The following SHISA6 variants were observed in gnomAD, a reference collection of about 807,000 sequenced individuals.
SHISA6 encodes the protein shisa family member 6.
In SHISA6, 22 loss-of-function variants were observed where a neutral mutation model predicts 47.9. That is an observed-to-expected ratio of 0.46 (90% confidence interval 0.33 to 0.66). SHISA6 has a LOEUF of 0.66. SHISA6 is among the 30% of genes least tolerant of loss of function. The pLI is 0.02. For missense variants in SHISA6, 680 were observed against 764.6 expected (o/e 0.89, Z 1.30); for synonymous variants, 388 against 337.8 (o/e 1.15, Z -1.63).
chr17:11,364,415 G>A (rs927296312), intron 2 of SHISA6, among the ~76,000 whole-genome samples: 1 of 152,174 alleles, frequency 6.6e-6, no homozygotes, highest in Non-Finnish European at 1.5e-5. Context: ...GAAGCCATGT[G>A]ACATGCATTT....
chr17:11,295,547 A>C (rs1165959414), intron 2 of SHISA6, among the ~76,000 whole-genome samples: 1 of 152,240 alleles, frequency 6.6e-6, no homozygotes, highest in African/African-American at 2.4e-5. Context: ...TGATGTTGGA[A>C]GTAAAGAAGT....
intron 3 of SHISA6, among the ~76,000 whole-genome samples, chr17:11,490,462 C>T (rs1158723014): frequency 1.3e-5 from 2 of 152,032 alleles, no homozygotes; most frequent in Non-Finnish European, 2.9e-5. Context: ...TCCAGGTCAC[C>T]GAGCAGGGAG....
intron 2 of SHISA6, among the ~76,000 whole-genome samples, chr17:11,347,219 A>G (rs1911730733): frequency 6.6e-6 from 1 of 152,138 alleles, no homozygotes; most frequent in Admixed American, 6.6e-5. Flanking sequence ...ATCCACAAAG[A>G]AGCCTGAGCC....
intron 2 of SHISA6, among the ~76,000 whole-genome samples, chr17:11,341,460 G>A (rs926692933): frequency 6.7e-6 from 1 of 150,184 alleles, no homozygotes; most frequent in African/African-American, 2.5e-5. Context: ...TCAGCCTCCT[G>A]AGTTGGTGGG....
At chr17:11,306,670 C>G (rs1195886626) in intron 2 of SHISA6, among the ~76,000 whole-genome samples, 1 of 152,168 alleles carries the variant, frequency 6.6e-6, no homozygotes. Flanking sequence ...AGGCACAGAA[C>G]AGTCACAGGT....
At chr17:11,247,222 G>T (rs1217681472) in intron 1 of SHISA6, among the ~76,000 whole-genome samples, 1 of 152,226 alleles carries the variant, frequency 6.6e-6, no homozygotes, top group Non-Finnish European at 1.5e-5. Flanking sequence ...GATTGAAAGA[G>T]GCTAATTCAC....
chr17:11,560,985 CA>C lies in SHISA6; in HGVS notation c.*2683del, dbSNP rs1376363918. On this transcript the variant is annotated 3_prime_UTR_variant, in exon 6 of 6. Coordinates refer to ENST00000441885, the MANE Select transcript of SHISA6 (RefSeq NM_207386.4). ...TAGAGATAGGTCTACAGACTTGCTC[CA>C]ATTCAGTCCCACATTTCAAAATCCA... is the stretch of plus-strand genomic sequence containing the variant. 6.6e-6 allele frequency: 1 copy of C among 152,168 alleles called. No individual in the cohort carries two copies. The highest frequency in any genetic ancestry group is 2.4e-5 in the African/African-American group (1 of 41,428). The allele number at this position is 152,168 out of a possible 1,614,324, so 9.4% of individuals were successfully genotyped here.
intron 2 of SHISA6, among the ~76,000 whole-genome samples, chr17:11,304,974 T>C (rs1269322161): frequency 1.3e-5 from 2 of 152,202 alleles, no homozygotes; most frequent in Non-Finnish European, 2.9e-5. Context: ...CACAGCTTTG[T>C]TGTTCCGATT....
chr17:11,542,650 AG>A (rs2071843994), intron 3 of SHISA6, among the ~76,000 whole-genome samples: 1 of 152,102 alleles, frequency 6.6e-6, no homozygotes, highest in African/African-American at 2.4e-5. Flanking sequence ...CCCGAGATAA[AG>A]GGAGTTATTT....
intron 2 of SHISA6, among the ~76,000 whole-genome samples, chr17:11,338,645 A>C (rs1597464811): frequency 6.6e-6 from 1 of 151,584 alleles, no homozygotes; most frequent in South Asian, 2.1e-4. Flanking sequence ...TCTTGACCTC[A>C]TGATCTGCCC....
At chr17:11,247,624 G>T (rs966135426) in intron 1 of SHISA6, among the ~76,000 whole-genome samples, 1 of 152,096 alleles carries the variant, frequency 6.6e-6, no homozygotes, top group Non-Finnish European at 1.5e-5. Context: ...TGGTGGGAGG[G>T]GTTGTGCTTG....
chr17:11,296,806 C>A (rs1909766158), intron 2 of SHISA6, among the ~76,000 whole-genome samples: 1 of 151,998 alleles, frequency 6.6e-6, no homozygotes, highest in African/African-American at 2.4e-5. Flanking sequence ...CAGGTAGGAG[C>A]TGATCAGAAA....
intron 3 of SHISA6, among the ~76,000 whole-genome samples, chr17:11,520,114 GC>G (rs1392141905): frequency 6.6e-6 from 1 of 152,090 alleles, no homozygotes; most frequent in Non-Finnish European, 1.5e-5. Context: ...TACATCTCGA[GC>G]CTCGACTTTT....
At chr17:11,538,505 T>A (rs2071806253) in intron 3 of SHISA6, among the ~76,000 whole-genome samples, 1 of 152,062 alleles carries the variant, frequency 6.6e-6, no homozygotes, top group African/African-American at 2.4e-5. Context: ...TCCGTGTGAG[T>A]CCCTGGCATG....
intron 3 of SHISA6, among the ~76,000 whole-genome samples, chr17:11,419,152 C>A (rs1002399198): frequency 1.3e-5 from 2 of 151,552 alleles, no homozygotes; most frequent in Non-Finnish European, 2.9e-5. Context: ...ACCAACGTGG[C>A]ACATGTATAC....
chr17:11,515,757 C>T (rs1045382521), intron 3 of SHISA6, among the ~76,000 whole-genome samples: 2 of 152,186 alleles, frequency 1.3e-5, no homozygotes, highest in African/African-American at 2.4e-5. Flanking sequence ...GAGCAGGGAA[C>T]TCTTCCCAGG....
chr17:11,394,789 A>T lies in SHISA6; in HGVS notation c.895+15280A>T, dbSNP rs1181566749. On this transcript the variant is annotated intron_variant, in intron 3 of 5. Coordinates refer to ENST00000441885, the MANE Select transcript of SHISA6 (RefSeq NM_207386.4). ...ATTTTCCAAATTTTAACATTTTAACACATTTGGTTTATCATTTTCTATCTT... is the reference window on the plus strand; with the variant it reads ...ATTTTCCAAATTTTAACATTTTAACTCATTTGGTTTATCATTTTCTATCTT... Among the ~76,000 whole-genome samples, 5 of 151,988 alleles carry T rather than the reference A, an allele frequency of 3.3e-5. 1 individual carries two copies. The highest frequency in any genetic ancestry group is 1.3e-4 in the Admixed American group (2 of 15,262).
chr17:11,494,831 C>T (rs767440544), intron 3 of SHISA6, among the ~76,000 whole-genome samples: 3 of 152,152 alleles, frequency 2.0e-5, no homozygotes, highest in Non-Finnish European at 2.9e-5. Context: ...GCATTAGAAT[C>T]GCCTGGGAAG....
Position 11,241,720 on chromosome 17 carries a change from G to T in SHISA6, c.298G>T (p.Val100Leu). ...TYETCWGYYD[V>L]SGQYDKEFEC... ...CGAGACGTGCTGGGGCTACTACGAC[G>T]TGAGCGGCCAGTACGACAAGGAGTT... The change falls in exon 1 of 6, where the codon GTG (valine) becomes TTG (leucine). Residue 100 changes from valine (V) to leucine (L), a missense_variant. Physicochemically the swap from Val to Leu is conservative, Grantham distance 32. Around this residue, in one of 2 missense-constraint regions of SHISA6, gnomAD observed 559 missense variants for 674.1 expected, o/e 0.83. Coordinates refer to ENST00000441885, the MANE Select transcript of SHISA6 (RefSeq NM_207386.4). The surrounding 1 kb of genome is among the most constrained non-coding windows in gnomAD (Gnocchi z 5.5). The T allele has an allele frequency of 6.5e-7, 1 of 1,540,972 alleles. No individual in the cohort carries two copies.
Sources: gnomAD v4.1 joint callset for allele counts (sites outside exome capture counted in the v4.1 genomes callset) on GRCh38, gnomAD v4.1.1 for gene constraint, gnomAD v4.1.1 regional missense constraint, Gnocchi (gnomAD v3.1) non-coding constraint, MANE v1.5 for transcripts, NCBI Gene and HGNC (gene_info 2026-07-23, HGNC 2026-07-21) for gene names.